MMP12: variants seen among roughly 807,000 people sequenced by gnomAD.
MMP12 encodes matrix metallopeptidase 12.
Under a neutral mutation model 45.2 loss-of-function variants are expected in MMP12, and 51 were observed. The observed-to-expected ratio is 1.13, with a 90% CI of 0.90 to 1.42. The LOEUF (loss-of-function observed/expected upper bound fraction) is 1.42. Ranked by LOEUF, MMP12 falls within the 40% of genes most tolerant of loss-of-function variation. The pLI, the probability that MMP12 is intolerant of heterozygous loss-of-function variation, is 0.00. For missense variants in MMP12, 530 were observed against 570.8 expected, an observed-to-expected ratio of 0.93 and a Z score of 0.73; for synonymous variants, 210 against 193.3, an observed-to-expected ratio of 1.09 and a Z score of -0.72.
At position 102,871,821 on chromosome 11, in the gene MMP12, A is replaced by T. The variant is rs1555009401; in HGVS notation, c.482T>A (p.Val161Glu). The T allele has an allele frequency of 1.2e-6, 2 of 1,613,430 alleles. No homozygotes were observed. Among genetic ancestry groups the T allele is most frequent in the Non-Finnish European group, 1.7e-6 (2 of 1,179,692 alleles). The change falls in exon 3 of 10, where the codon GTG becomes GAG. Residue 161 changes from valine to glutamate, a missense_variant. By Grantham distance (121) the Val-to-Glu change is moderately radical (BLOSUM62 -2). Transcript: ENST00000571244. ...KINTGMADIL[V>E]VFARGAHGDF... ...TTCCCTACCTCCACGGGCAAAAACC[A>T]CCAAAATGTCAGCCATGCCTGTGTT...
Position 102,867,371 on chromosome 11 carries a change from G to T in MMP12, c.810C>A (p.Arg270=). Residue 270 remains arginine, a synonymous_variant, in exon 6 of 10, where the codon CGC becomes CGA. Transcript: ENST00000571244. The part of the protein sequence containing the change: ...SLYGDPKENQ[R]LPNPDNSEPA... ...GTTCTGAATTGTCAGGATTTGGCAA[G>T]CGTTGGTTCTCTTTTGGGTCTCCTG... 1 of 1,610,024 alleles carries T rather than the reference G, an allele frequency of 6.2e-7. No individual in the cohort carries two copies. Among genetic ancestry groups the T allele is most frequent in the Non-Finnish European group, 8.5e-7 (1 of 1,178,456 alleles).
In MMP12 at chr11:102,866,454, A is replaced by G; in HGVS notation, c.912-6T>C. ...AAACCTTCAGCCAGAAGAACCTGAC[A>G]TGAAAGACATTTGACACATGTTAAA... is the stretch of plus-strand genomic sequence containing the variant. On this transcript the variant is annotated splice_polypyrimidine_tract_variant and splice_region_variant and intron_variant, in intron 6 of 9. Transcript: ENST00000571244. 6.2e-7 allele frequency: 1 copy of G among 1,610,572 alleles called. No homozygotes were observed.
At chr11:102,867,788 G>A in intron 5 of MMP12, 120 bp downstream of exon 5, 1 of 1,023,248 alleles carries the variant, frequency 9.8e-7, no homozygotes, top group Non-Finnish European at 1.4e-6. Context: ...CTGCCACACA[G>A]GGTTCTTATG....
At chr11:102,873,599 CA>C (rs1289683569) in intron 1 of MMP12, among the ~76,000 whole-genome samples, 2 of 150,972 alleles carry the variant, frequency 1.3e-5, no homozygotes, top group Non-Finnish European at 2.9e-5. Flanking sequence ...GACCCTGTCT[CA>C]AAAAAAAGAA....
At chr11:102,873,595 G>A (rs777723186) in intron 1 of MMP12, among the ~76,000 whole-genome samples, 9 of 151,836 alleles carry the variant, frequency 5.9e-5, no homozygotes, top group Non-Finnish European at 1.0e-4. Flanking sequence ...CACAGACCCT[G>A]TCTCAAAAAA....
At chr11:102,867,239 T>A (rs201054031) in intron 6 of MMP12, 31 bp downstream of exon 6, 56 of 1,528,302 alleles carry the variant, frequency 3.7e-5, no homozygotes, top group Non-Finnish European at 4.6e-5. Flanking sequence ...GCAGAAACTT[T>A]AATATTGGTT....
At chr11:102,872,009 C>A (rs2134423607) in intron 2 of MMP12, 57 bp from the exon 3 acceptor site, 1 of 1,487,924 alleles carries the variant, frequency 6.7e-7, no homozygotes, top group East Asian at 2.3e-5. Flanking sequence ...TTTTGTCTTA[C>A]CACAATACTT....
chr11:102,872,409 C>T (rs1014349358), intron 2 of MMP12, among the ~76,000 whole-genome samples: 2 of 151,858 alleles, frequency 1.3e-5, no homozygotes, highest in Admixed American at 6.6e-5. Flanking sequence ...GGCACGATCT[C>T]GGCTCACTGC....
Position 102,862,859 on chromosome 11 carries a change from T to A in MMP12, c.*241A>T. On this transcript the variant is annotated 3_prime_UTR_variant, in exon 10 of 10. Transcript: ENST00000571244. ...CTTACAGAGCATGCTTCAAATAGAA[T>A]TCTCTTGGCCTTTGAAGGTAACTAT... is the stretch of plus-strand genomic sequence containing the variant. The A allele has an allele frequency of 3.5e-6, 1 of 289,430 alleles. No individual in the cohort carries two copies. 17.9% of individuals were successfully genotyped at this position (289,430 alleles called of 1,614,324 possible).
At chr11:102,868,829 A>C (rs1859442986) in intron 4 of MMP12, among the ~76,000 whole-genome samples, 1 of 152,254 alleles carries the variant, frequency 6.6e-6, no homozygotes, top group African/African-American at 2.4e-5. Flanking sequence ...AACAAAAAAG[A>C]GAAAAAATAA....
intron 2 of MMP12, among the ~76,000 whole-genome samples, chr11:102,872,573 C>T (rs1032786006): frequency 6.6e-6 from 1 of 152,152 alleles, no homozygotes; most frequent in African/African-American, 2.4e-5. Flanking sequence ...CATCTCCTGA[C>T]CTCGTGATCC....
rs1555008049 is a variant in MMP12, at chr11:102,863,166, A to G, written c.1347T>C (p.Phe449=). Residue 449 remains phenylalanine, a synonymous_variant, in exon 10 of 10, where the codon TTT becomes TTC. Coordinates refer to ENST00000571244, the MANE Select transcript of MMP12 (RefSeq NM_002426.6). ...YYYFFQGSNQ[F]EYDFLLQRIT... Reference sequence around the variant, plus strand: ...TACGTTGGAGTAGGAAGTCATATTCAAATTGGTTAGATCCTTGGAAGAAAT... The same window carrying G: ...TACGTTGGAGTAGGAAGTCATATTCGAATTGGTTAGATCCTTGGAAGAAAT... 2 of 1,610,420 alleles carry G rather than the reference A, an allele frequency of 1.2e-6. No homozygotes were observed. The highest frequency in any genetic ancestry group is 4.5e-5 in the East Asian group (2 of 44,712).
chr11:102,863,258 C>A, intron 9 of MMP12, 58 bp from the exon 10 acceptor site: 3 of 953,156 alleles, frequency 3.1e-6, no homozygotes, highest in Non-Finnish European at 5.0e-6. Context: ...TTTACAACAA[C>A]AACAACAACA....
rs201859820 is a variant in MMP12, at chr11:102,866,341, G to C, written c.1019C>G (p.Ala340Gly). The C allele has an allele frequency of 6.3e-7, 1 of 1,589,894 alleles. No individual in the cohort carries two copies. The highest frequency in any genetic ancestry group is 8.6e-7 in the Non-Finnish European group (1 of 1,168,176). The change falls in exon 7 of 10, where the codon GCC (alanine) becomes GGC (glycine). Residue 340 changes from alanine to glycine, a missense_variant. By Grantham distance (60) the Ala-to-Gly change is moderately conservative. Transcript: ENST00000571244. ...TTTAAAAAGAAAAACTTGATTTCTG[G>C]CTTCAATTTCATAAGCAGCTTCAAT... ...SGIEAAYEIE[A>G]RNQVFLFKDD...
chr11:102,870,002 T>C (rs1043992882), intron 4 of MMP12, among the ~76,000 whole-genome samples: 52 of 152,270 alleles, frequency 3.4e-4, no homozygotes, highest in African/African-American at 1.2e-3. Context: ...ATAAATAACT[T>C]CACTTTTTGA....
chr11:102,866,022 T>C (rs529664228), intron 7 of MMP12, 87 bp from the exon 8 acceptor site: 5 of 1,041,066 alleles, frequency 4.8e-6, no homozygotes, highest in Non-Finnish European at 6.9e-6. Flanking sequence ...ACATAATTCC[T>C]TTCCAACAGT....
At chr11:102,863,687 C>T (rs574862550) in intron 9 of MMP12, among the ~76,000 whole-genome samples, 4 of 152,220 alleles carry the variant, frequency 2.6e-5, no homozygotes, top group African/African-American at 7.2e-5. Flanking sequence ...TGAAGACATA[C>T]GATACAAACT....
At chr11:102,867,790 G>T in intron 5 of MMP12, 118 bp downstream of exon 5, 2 of 1,058,220 alleles carry the variant, frequency 1.9e-6, no homozygotes, top group Non-Finnish European at 2.7e-6. Context: ...GCCACACAGG[G>T]TTCTTATGCG....
intron 4 of MMP12, among the ~76,000 whole-genome samples, chr11:102,868,587 A>G (rs890533181): frequency 7.9e-5 from 12 of 152,194 alleles, no homozygotes; most frequent in Non-Finnish European, 1.5e-4. Context: ...CCCAAATATA[A>G]GGCTATCATT....
Sources: allele counts gnomAD v4.1 joint callset (sites outside exome capture counted in the v4.1 genomes callset), GRCh38; gene constraint gnomAD v4.1.1; transcripts MANE v1.5; gene names NCBI Gene and HGNC (gene_info 2026-07-23, HGNC 2026-07-21).